The following EML1 variants were observed in gnomAD, a reference collection of about 807,000 sequenced individuals.
EML1 encodes the protein echinoderm microtubule-associated protein-like 1.
EML1 carries 27 observed loss-of-function variants against 110.4 expected under a neutral mutation model. The ratio of observed to expected loss-of-function variants is 0.24; its 90% CI spans 0.18 to 0.34. The LOEUF (loss-of-function observed/expected upper bound fraction) is 0.34, where lower values mean the gene tolerates loss of function less well. Among genes scored for constraint, EML1 ranks in the 10% least tolerant of loss-of-function variants. EML1 has a pLI of 1.00. For synonymous variants in EML1, 344 were observed against 385.8 expected, an observed-to-expected ratio of 0.89 and a Z score of 1.27; for missense variants, 741 against 1,030.9, an observed-to-expected ratio of 0.72 and a Z score of 3.85.
chr14:99,817,358 G>A (rs1595334054), intron 1 of EML1, among the ~76,000 whole-genome samples: 1 of 152,286 alleles, frequency 6.6e-6, no homozygotes, highest in East Asian at 1.9e-4. Context: ...CTCAAGGGTT[G>A]AGCTTTAATA....
chr14:99,829,134 G>C (rs1331362987), intron 1 of EML1, among the ~76,000 whole-genome samples: 1 of 152,218 alleles, frequency 6.6e-6, no homozygotes, highest in Non-Finnish European at 1.5e-5. Context: ...GGGGGCCACT[G>C]TACAGACTGG....
upstream of EML1, among the ~76,000 whole-genome samples, chr14:99,793,144 GC>G (rs1288835223): frequency 1.3e-5 from 2 of 148,792 alleles, no homozygotes; most frequent in African/African-American, 2.4e-5. Context: ...CGGCAGACGC[GC>G]CCCTGCGGCT....
chr14:99,881,125 C>T (rs562029221), intron 4 of EML1, among the ~76,000 whole-genome samples: 1 of 152,332 alleles, frequency 6.6e-6, no homozygotes, highest in South Asian at 2.1e-4. Context: ...GGGCTGCTTG[C>T]GATCCCAGCC....
chr14:99,772,750 A>G (rs544967744), upstream of EML1, among the ~76,000 whole-genome samples: 2 of 152,260 alleles, frequency 1.3e-5, no homozygotes, highest in South Asian at 2.1e-4. Context: ...TATAATTCTC[A>G]TATTTTCTGC....
At position 99,829,475 on chromosome 14, in the gene EML1, TG is replaced by T. The variant is rs147262192; in HGVS notation, c.68-21377del. Among the ~76,000 whole-genome samples, 1,139 of 152,356 alleles carry T rather than the reference TG, an allele frequency of 7.5e-3. 12 individuals are homozygous for T. The highest frequency in any genetic ancestry group is 0.01 in the Non-Finnish European group (686 of 68,036). On this transcript the variant is annotated intron_variant, in intron 1 of 21. Coordinates refer to ENST00000262233, the MANE Select transcript of EML1 (RefSeq NM_004434.3). ...TATTTTTAAATTGTGGTAAAATATATGTAACAAAATTTGTGATTTTAACCAT... is the reference window on the plus strand; with the variant it reads ...TATTTTTAAATTGTGGTAAAATATATTAACAAAATTTGTGATTTTAACCAT...
exon 1 of EML1, chr14:99,737,856 C>T (rs1317898865): frequency 1.6e-5 from 21 of 1,289,140 alleles, no homozygotes; most frequent in African/African-American, 9.1e-5. Flanking sequence ...AGGGCCCCTC[C>T]GCCGGTGAGT....
At chr14:99,916,137 A>C (rs992074977) in intron 15 of EML1, among the ~76,000 whole-genome samples, 1 of 152,254 alleles carries the variant, frequency 6.6e-6, no homozygotes, top group Admixed American at 6.5e-5. Flanking sequence ...TTAGCCTAAC[A>C]TAAGGGTTGG....
intron 1 of EML1, among the ~76,000 whole-genome samples, chr14:99,787,800 G>A (rs909968421): frequency 1.3e-5 from 2 of 152,066 alleles, no homozygotes; most frequent in South Asian, 4.1e-4. Context: ...TTCCCTCTGT[G>A]TGCATCTGTG....
upstream of EML1, among the ~76,000 whole-genome samples, chr14:99,793,175 G>C (rs1179435752): frequency 6.8e-6 from 1 of 147,346 alleles, no homozygotes; most frequent in Non-Finnish European, 1.5e-5. Context: ...CCCGGGCCGC[G>C]CTCCCCGCGG....
At chr14:99,927,613 A>G (rs2060258051) in intron 17 of EML1, among the ~76,000 whole-genome samples, 1 of 151,946 alleles carries the variant, frequency 6.6e-6, no homozygotes, top group South Asian at 2.1e-4. Context: ...ATGAAGAAAA[A>G]CTTTCCTTCA....
intron 9 of EML1, 26 bp downstream of exon 9, chr14:99,901,065 C>T (rs2059755259): frequency 6.3e-7 from 1 of 1,577,134 alleles, no homozygotes. Context: ...GTGGATATTG[C>T]TGTCTTCTTC....
chr14:99,759,998 TCAGGAGGCTGAGGCAGGAGAATCG>T, intron 1 of EML1, among the ~76,000 whole-genome samples: 1 of 140,262 alleles, frequency 7.1e-6, no homozygotes, highest in Non-Finnish European at 1.5e-5. Context: ...TCCCAGCTAC[TCAGGAGGCTGAGGCAGGAGAATCG>T]CTTGAACCCG....
chr14:99,779,950 C>G (rs1281523121), intron 1 of EML1, among the ~76,000 whole-genome samples: 1 of 152,214 alleles, frequency 6.6e-6, no homozygotes, highest in East Asian at 1.9e-4. Context: ...ATACCATACA[C>G]TGGGTGACTC....
chr14:99,828,397 T>TC (rs1273215406), intron 1 of EML1, among the ~76,000 whole-genome samples: 1 of 152,186 alleles, frequency 6.6e-6, no homozygotes, highest in Admixed American at 6.5e-5. Flanking sequence ...AATAGGAGTC[T>TC]CCGTTATCAA....
chr14:99,747,634 C>T (rs2057126659), intron 1 of EML1, among the ~76,000 whole-genome samples: 1 of 152,202 alleles, frequency 6.6e-6, no homozygotes, highest in Non-Finnish European at 1.5e-5. Flanking sequence ...TGCACCAGGG[C>T]TGGGCTGCGC....
intron 1 of EML1, among the ~76,000 whole-genome samples, chr14:99,787,972 G>C (rs916741187): frequency 1.3e-5 from 2 of 152,126 alleles, no homozygotes; most frequent in African/African-American, 4.8e-5. Flanking sequence ...TTTTTGCAGG[G>C]ACACAGTTAA....
intron 6 of EML1, among the ~76,000 whole-genome samples, chr14:99,895,525 G>A (rs2059657630): frequency 6.6e-6 from 1 of 152,140 alleles, no homozygotes. Flanking sequence ...ATCCAAAATT[G>A]AAACTAAACC....
Position 99,909,422 on chromosome 14 carries a change from T to C in EML1, c.1182T>C (p.His394=). The C allele has an allele frequency of 2.5e-6, 4 of 1,614,130 alleles. No homozygotes were observed. Among genetic ancestry groups the C allele is most frequent in the Non-Finnish European group, 3.4e-6 (4 of 1,180,010 alleles). The change falls in exon 11 of 22, where the codon CAT becomes CAC. Residue 394 remains histidine (H), a synonymous_variant. Transcript: ENST00000262233. Reference sequence around the variant, plus strand: ...TCATAGTTACTTGTGGAAAATCACATCTCTACTTTTGGACACTAGAAGGAA... The same window carrying C: ...TCATAGTTACTTGTGGAAAATCACACCTCTACTTTTGGACACTAGAAGGAA... The part of the protein sequence containing the change: ...TNIIVTCGKS[H]LYFWTLEGSS...
chr14:99,938,957 T>G (rs1441882562), intron 20 of EML1, among the ~76,000 whole-genome samples: 1 of 152,196 alleles, frequency 6.6e-6, no homozygotes, highest in East Asian at 1.9e-4. Context: ...CCGGAAAGCT[T>G]GTCTTTGCTC....
Sources: gnomAD v4.1 joint callset for allele counts (sites outside exome capture counted in the v4.1 genomes callset) on GRCh38, gnomAD v4.1.1 for gene constraint, MANE v1.5 for transcripts, NCBI Gene and HGNC (gene_info 2026-07-23, HGNC 2026-07-21) for gene names.